Variants in NRG3 observed in about 807,000 individuals in gnomAD.
NRG3 encodes pro-neuregulin-3, membrane-bound isoform.
NRG3 carries 31 observed loss-of-function variants against 66.9 expected under a neutral mutation model. That is an observed-to-expected ratio of 0.46 (90% CI 0.35 to 0.63). The LOEUF (loss-of-function observed/expected upper bound fraction) is 0.63, where lower values mean the gene tolerates loss of function less well. NRG3 is among the 20% of genes least tolerant of loss of function. NRG3 has a pLI of 0.00. For synonymous variants in NRG3, 393 were observed against 359.4 expected, an observed-to-expected ratio of 1.09 and a Z score of -1.06; for missense variants, 910 against 878.9, an observed-to-expected ratio of 1.04 and a Z score of -0.45.
intron 2 of NRG3, among the ~76,000 whole-genome samples, chr10:82,464,931 G>A (rs1381658922): frequency 1.3e-5 from 2 of 152,278 alleles, no homozygotes; most frequent in African/African-American, 2.4e-5. Flanking sequence ...TGGGCAAGAG[G>A]AGCTAGGCCA....
At chr10:82,852,899 G>A (rs2063630232) in intron 3 of NRG3, among the ~76,000 whole-genome samples, 1 of 152,158 alleles carries the variant, frequency 6.6e-6, no homozygotes, top group African/African-American at 2.4e-5. Flanking sequence ...ATTCAACTGA[G>A]TTCCCAACTA....
chr10:82,549,188 G>A (rs2044138594), intron 2 of NRG3, among the ~76,000 whole-genome samples: 1 of 152,130 alleles, frequency 6.6e-6, no homozygotes, highest in Admixed American at 6.5e-5. Context: ...TAATATACAT[G>A]TGTAAAACAC....
chr10:81,928,574 A>G (rs554867292), intron 1 of NRG3, among the ~76,000 whole-genome samples: 1 of 152,368 alleles, frequency 6.6e-6, no homozygotes, highest in South Asian at 2.1e-4. Flanking sequence ...TTATAAAAAC[A>G]TGAAGCAAAT....
intron 2 of NRG3, among the ~76,000 whole-genome samples, chr10:82,672,753 G>GGTTT: frequency 1.3e-5 from 2 of 152,224 alleles, no homozygotes; most frequent in Middle Eastern, 6.8e-3. Flanking sequence ...TTTGTTCGTT[G>GGTTT]GTTTGTTTGT....
chr10:82,002,303 G>T (rs1564727964), intron 1 of NRG3, among the ~76,000 whole-genome samples: 2 of 152,076 alleles, frequency 1.3e-5, no homozygotes, highest in African/African-American at 2.4e-5. Flanking sequence ...CTTACCATGG[G>T]CCTGTCGAGA....
At chr10:82,918,010 C>A (rs879743597) in intron 4 of NRG3, among the ~76,000 whole-genome samples, 10,142 of 133,594 alleles carry the variant, frequency 0.076, 492 homozygotes, top group Middle Eastern at 0.16. Flanking sequence ...ATGTATCTCT[C>A]TCTATATATA....
rs535313598 is a variant in NRG3, at chr10:82,795,305, AAC to A, written c.1027+56657_1027+56658del. On this transcript the variant is annotated intron_variant, in intron 3 of 8. Transcript: ENST00000372141. ...TACTGTTACCACAACCAAGGTGTGA[AAC>A]ATATCATCAAGACCACAGTTTTTGT... Among the ~76,000 whole-genome samples, 568 of 152,336 alleles carry A rather than the reference AAC, an allele frequency of 3.7e-3. 3 individuals are homozygous for A. The highest frequency in any genetic ancestry group is 0.013 in the African/African-American group (544 of 41,584).
chr10:82,095,978 G>A (rs1037926803), intron 1 of NRG3, among the ~76,000 whole-genome samples: 10 of 152,112 alleles, frequency 6.6e-5, no homozygotes, highest in African/African-American at 2.4e-4. Flanking sequence ...TAGAAAGAGA[G>A]ACTCACAGAA....
intron 1 of NRG3, among the ~76,000 whole-genome samples, chr10:82,220,147 G>A (rs924667407): frequency 6.6e-6 from 1 of 151,728 alleles, no homozygotes; most frequent in Non-Finnish European, 1.5e-5. Flanking sequence ...AGAGTGGGAA[G>A]ATATTATGAT....
chr10:82,317,834 A>C (rs561119597), intron 1 of NRG3, among the ~76,000 whole-genome samples: 4 of 152,210 alleles, frequency 2.6e-5, no homozygotes, highest in Non-Finnish European at 5.9e-5. Context: ...GAGGGCTCCA[A>C]ATTTAAAGAG....
At chr10:82,563,130 A>G (rs1474931981) in intron 2 of NRG3, among the ~76,000 whole-genome samples, 6 of 152,152 alleles carry the variant, frequency 3.9e-5, no homozygotes, top group Non-Finnish European at 8.8e-5. Context: ...TCATTTTTTA[A>G]ATGGACAAAT....
At chr10:82,857,431 T>C (rs1177773058) in intron 3 of NRG3, among the ~76,000 whole-genome samples, 1 of 152,150 alleles carries the variant, frequency 6.6e-6, no homozygotes, top group Non-Finnish European at 1.5e-5. Flanking sequence ...TGATGGCCTG[T>C]CTGGTGTGAG....
chr10:82,539,652 T>C (rs1379921663), intron 2 of NRG3, among the ~76,000 whole-genome samples: 1 of 152,222 alleles, frequency 6.6e-6, no homozygotes, highest in South Asian at 2.1e-4. Context: ...GTTTTTGTTT[T>C]TAATGGAGTC....
chr10:82,364,223 A>G (rs1048322135), intron 2 of NRG3, among the ~76,000 whole-genome samples: 1 of 152,218 alleles, frequency 6.6e-6, no homozygotes, highest in Non-Finnish European at 1.5e-5. Flanking sequence ...AGAACTTTCA[A>G]TTAAGTGCTT....
chr10:82,838,439 A>G (rs984169803), intron 3 of NRG3, among the ~76,000 whole-genome samples: 1 of 152,176 alleles, frequency 6.6e-6, no homozygotes, highest in African/African-American at 2.4e-5. Context: ...ATAGATGCCC[A>G]TCTCTTTCAC....
intron 1 of NRG3, among the ~76,000 whole-genome samples, chr10:82,287,879 G>A (rs1305856956): frequency 6.6e-6 from 1 of 152,132 alleles, no homozygotes; most frequent in East Asian, 1.9e-4. Context: ...CCTCCCTCAG[G>A]TTGCTCACAG....
At chr10:82,078,770 C>T (rs184279039) in intron 1 of NRG3, among the ~76,000 whole-genome samples, 6 of 152,248 alleles carry the variant, frequency 3.9e-5, no homozygotes, top group Admixed American at 1.3e-4. Context: ...TTTCATGATG[C>T]GAAACAAATG....
intron 2 of NRG3, among the ~76,000 whole-genome samples, chr10:82,362,548 G>GTTTTTTTTTTTTT (rs10694679): frequency 0.034 from 2,790 of 83,020 alleles, 339 homozygotes; most frequent in East Asian, 0.063. Flanking sequence ...TAATTTCTGG[G>GTTTTTTTTTTTTT]TTTTTTTTTT....
chr10:82,440,774 G>A (rs1032738430), intron 2 of NRG3, among the ~76,000 whole-genome samples: 14 of 151,980 alleles, frequency 9.2e-5, no homozygotes, highest in Non-Finnish European at 1.9e-4. Context: ...AAACACTTAA[G>A]ACATTATATT....
Sources: gnomAD v4.1 joint callset for allele counts (sites outside exome capture counted in the v4.1 genomes callset) on GRCh38, gnomAD v4.1.1 for gene constraint, MANE v1.5 for transcripts, NCBI Gene and HGNC (gene_info 2026-07-23, HGNC 2026-07-21) for gene names.